Variants in SIPA1L1 observed in about 807,000 individuals in gnomAD.
The protein encoded by SIPA1L1 is signal induced proliferation associated 1 like 1.
Under a neutral mutation model 162.7 loss-of-function variants are expected in SIPA1L1, and 26 were observed. The ratio of observed to expected loss-of-function variants is 0.16; its 90% CI spans 0.12 to 0.22. The LOEUF (loss-of-function observed/expected upper bound fraction) is 0.22, where lower values mean the gene tolerates loss of function less well. Ranked by LOEUF, SIPA1L1 falls within the 10% of genes least tolerant of loss-of-function variation. The probability of loss-of-function intolerance (pLI) is 1.00; values close to 1 mark genes in which losing one functional copy is unlikely to be tolerated. For missense variants in SIPA1L1, 1,874 were observed against 2,241.0 expected (o/e 0.84, Z 3.31); for synonymous variants, 829 against 837.4 (o/e 0.99, Z 0.17).
At chr14:71,356,583 A>AAAAAAAAAAAAAAAAAAC in intron 2 of SIPA1L1, among the ~76,000 whole-genome samples, 1 of 145,686 alleles carries the variant, frequency 6.9e-6, no homozygotes, top group African/African-American at 2.5e-5. Context: ...AAAAAAAAAA[A>AAAAAAAAAAAAAAAAAAC]AAAAGCACAC....
intron 6 of SIPA1L1, among the ~76,000 whole-genome samples, chr14:71,619,436 G>C (rs1234715316): frequency 6.6e-6 from 1 of 151,924 alleles, no homozygotes; most frequent in Non-Finnish European, 1.5e-5. Flanking sequence ...GAAACAGGCT[G>C]TTAGAGCTCT....
At chr14:71,531,734 A>AT (rs1324552910) in intron 4 of SIPA1L1, among the ~76,000 whole-genome samples, 3 of 151,934 alleles carry the variant, frequency 2.0e-5, no homozygotes, top group Non-Finnish European at 2.9e-5. Flanking sequence ...GGTTTGGGTA[A>AT]TTTTTTGTAT....
Position 71,739,191 on chromosome 14 carries a change from C to T in SIPA1L1, c.*30C>T. ...GGCTGAGGAGGACAGGAGAAGGGCC[C>T]AGACACTCCCTCCAGTGAGTGTCCT... On this transcript the variant is annotated 3_prime_UTR_variant, in exon 24 of 24. Coordinates refer to ENST00000381232, the MANE Select transcript of SIPA1L1 (RefSeq NM_001386936.1). 6.3e-7 allele frequency: 1 copy of T among 1,590,218 alleles called. No homozygotes were observed. Among genetic ancestry groups the T allele is most frequent in the Non-Finnish European group, 8.6e-7 (1 of 1,165,822 alleles).
chr14:71,348,449 A>G (rs999830888), intron 2 of SIPA1L1, among the ~76,000 whole-genome samples: 12 of 152,296 alleles, frequency 7.9e-5, no homozygotes, highest in African/African-American at 2.6e-4. Context: ...TCTTTAGTCA[A>G]TAGTTTTCCG....
chr14:71,376,448 A>C (rs2039378746), intron 2 of SIPA1L1, among the ~76,000 whole-genome samples: 1 of 151,882 alleles, frequency 6.6e-6, no homozygotes, highest in Admixed American at 6.5e-5. Flanking sequence ...AAAAATCAGG[A>C]GGTTCCACGT....
chr14:71,580,886 T>A (rs2033834686), intron 4 of SIPA1L1, among the ~76,000 whole-genome samples: 1 of 152,152 alleles, frequency 6.6e-6, no homozygotes, highest in African/African-American at 2.4e-5. Context: ...ATAAAAAATA[T>A]AAATAAAAAA....
chr14:71,322,197 G>T (rs1049588966), intron 2 of SIPA1L1, among the ~76,000 whole-genome samples: 1 of 152,150 alleles, frequency 6.6e-6, no homozygotes, highest in African/African-American at 2.4e-5. Context: ...CTTTCATGTT[G>T]AAACTCTGAG....
chr14:71,426,989 G>A (rs1430183469), intron 2 of SIPA1L1, among the ~76,000 whole-genome samples: 2 of 152,114 alleles, frequency 1.3e-5, no homozygotes, highest in African/African-American at 2.4e-5. Context: ...GTAACTAATA[G>A]CACTACCTTT....
chr14:71,610,125 A>G (rs2038036365), intron 5 of SIPA1L1, among the ~76,000 whole-genome samples: 1 of 152,206 alleles, frequency 6.6e-6, no homozygotes, highest in South Asian at 2.1e-4. Flanking sequence ...TGTAATATTA[A>G]ACTGTGATTT....
At chr14:71,618,123 C>T (rs1035284238) in intron 5 of SIPA1L1, among the ~76,000 whole-genome samples, 4 of 152,224 alleles carry the variant, frequency 2.6e-5, no homozygotes, top group Non-Finnish European at 4.4e-5. Flanking sequence ...CTAGGCTCAT[C>T]GGTCACCTGG....
chr14:71,539,910 C>T (rs2054231466), intron 4 of SIPA1L1, among the ~76,000 whole-genome samples: 1 of 152,200 alleles, frequency 6.6e-6, no homozygotes, highest in Admixed American at 6.5e-5. Flanking sequence ...TTGTCAGCAA[C>T]ACCCTAAGGG....
chr14:71,468,440 G>A (rs574866653), intron 2 of SIPA1L1, among the ~76,000 whole-genome samples: 10 of 152,268 alleles, frequency 6.6e-5, no homozygotes, highest in African/African-American at 2.2e-4. Flanking sequence ...AGGCAAAGAC[G>A]GGGTGGTGGT....
At chr14:71,516,671 A>T (rs1451310405) in intron 3 of SIPA1L1, among the ~76,000 whole-genome samples, 1 of 151,872 alleles carries the variant, frequency 6.6e-6, no homozygotes, top group Non-Finnish European at 1.5e-5. Flanking sequence ...TACTTTTTTT[A>T]AAAATGCCTT....
intron 3 of SIPA1L1, among the ~76,000 whole-genome samples, chr14:71,525,633 G>A (rs556236438): frequency 1.1e-3 from 163 of 152,236 alleles, no homozygotes; most frequent in African/African-American, 3.7e-3. Flanking sequence ...TCATTGCCAC[G>A]TTTGCTACTT....
intron 2 of SIPA1L1, among the ~76,000 whole-genome samples, chr14:71,382,929 G>A (rs2040022662): frequency 6.6e-6 from 1 of 152,034 alleles, no homozygotes; most frequent in African/African-American, 2.4e-5. Context: ...GAATATTCTG[G>A]GAGTTTAAAG....
At chr14:71,691,123 C>A (rs1052446809) in intron 13 of SIPA1L1, among the ~76,000 whole-genome samples, 2 of 152,238 alleles carry the variant, frequency 1.3e-5, no homozygotes, top group East Asian at 3.8e-4. Context: ...TCATTTCGCA[C>A]TAAGTTTCTT....
chr14:71,329,023 G>C (rs555159511), intron 2 of SIPA1L1, among the ~76,000 whole-genome samples: 5 of 152,148 alleles, frequency 3.3e-5, no homozygotes, highest in African/African-American at 9.7e-5. Context: ...GTGGAATCAT[G>C]TAGTATTTGT....
At chr14:71,443,366 A>G (rs2045070016) in intron 2 of SIPA1L1, among the ~76,000 whole-genome samples, 1 of 152,134 alleles carries the variant, frequency 6.6e-6, no homozygotes, top group Non-Finnish European at 1.5e-5. Context: ...TAATCAATAC[A>G]CGAATTCTGG....
chr14:71,477,886 C>G (rs2048010914), intron 2 of SIPA1L1, among the ~76,000 whole-genome samples: 1 of 151,782 alleles, frequency 6.6e-6, no homozygotes, highest in South Asian at 2.1e-4. Flanking sequence ...ACTGGGATTG[C>G]TGGATTACAT....
Sources: allele counts gnomAD v4.1 joint callset (sites outside exome capture counted in the v4.1 genomes callset), GRCh38; gene constraint gnomAD v4.1.1; transcripts MANE v1.5; gene names NCBI Gene and HGNC (gene_info 2026-07-23, HGNC 2026-07-21).